Variants in COL15A1 observed in about 807,000 individuals in gnomAD.
COL15A1 encodes collagen type XV alpha 1 chain, also known as collagen alpha-1(XV) chain.
A neutral mutation model predicts 165.9 loss-of-function variants in COL15A1; 111 were observed. The ratio of observed to expected loss-of-function variants is 0.67; its 90% CI spans 0.57 to 0.78. COL15A1 has a LOEUF of 0.78. Among genes scored for constraint, COL15A1 ranks in the 30% least tolerant of loss-of-function variants. The pLI, the probability that COL15A1 is intolerant of heterozygous loss-of-function variation, is 0.00. For synonymous variants in COL15A1, 659 were observed against 674.8 expected (o/e 0.98, Z 0.36); for missense variants, 1,745 against 1,789.7 (o/e 0.98, Z 0.45).
chr9:99,066,599 G>GTTTTTTTTTTTGTTTTTTTTTTTTTTTTT (rs1825895496), intron 39 of COL15A1, among the ~76,000 whole-genome samples: 1 of 71,082 alleles, frequency 1.4e-5, no homozygotes, highest in Admixed American at 1.6e-4. Context: ...ATTTTGTTCT[G>GTTTTTTTTTTTGTTTTTTTTTTTTTTTTT]TTTTTTTTTT....
intron 6 of COL15A1, among the ~76,000 whole-genome samples, chr9:98,998,651 C>A (rs563898414): frequency 2.6e-5 from 4 of 152,116 alleles, no homozygotes; most frequent in Admixed American, 2.6e-4. Context: ...TTCTGAATTG[C>A]GAATGCTTTT....
Position 98,985,564 on chromosome 9 carries a change from G to A in COL15A1, c.101-1G>A. The A allele has an allele frequency of 6.2e-7, 1 of 1,610,580 alleles. No individual in the cohort carries two copies. The highest frequency in any genetic ancestry group is 8.5e-7 in the Non-Finnish European group (1 of 1,177,328). ...CGTGGCCTCTCTCTCCCTCCCTGCA[G>A]AGACTGCTTCCCAGGGTCACCTGGA... On this transcript the variant is annotated splice_acceptor_variant, in intron 2 of 41. Coordinates refer to ENST00000375001, the MANE Select transcript of COL15A1 (RefSeq NM_001855.5). LOFTEE classifies it high-confidence loss of function.
At chr9:99,043,137 CCT>C (rs1459283108) in intron 24 of COL15A1, among the ~76,000 whole-genome samples, 1 of 151,864 alleles carries the variant, frequency 6.6e-6, no homozygotes, top group Non-Finnish European at 1.5e-5. Context: ...TGGGGGAACT[CCT>C]CTCGTTCTTC....
At chr9:99,040,409 C>G (rs1234456747) in intron 22 of COL15A1, 112 bp from the exon 23 acceptor site, 1 of 1,558,950 alleles carries the variant, frequency 6.4e-7, no homozygotes, top group Non-Finnish European at 8.8e-7. Flanking sequence ...ATCCGTCTTC[C>G]CAGCTGTGGG....
At chr9:98,971,367 G>A (rs995129138) in intron 2 of COL15A1, among the ~76,000 whole-genome samples, 1 of 152,146 alleles carries the variant, frequency 6.6e-6, no homozygotes, top group Non-Finnish European at 1.5e-5. Context: ...CCTGCCGGGT[G>A]GGGGTGATGA....
chr9:99,055,658 G>A (rs969714301), intron 34 of COL15A1, among the ~76,000 whole-genome samples: 1 of 152,240 alleles, frequency 6.6e-6, no homozygotes, highest in East Asian at 1.9e-4. Context: ...CACAAAGAAT[G>A]ATTAATGGTG....
rs1384306432 is a variant in COL15A1, at chr9:99,028,606, C to T, written c.2043+2640C>T. Among the ~76,000 whole-genome samples, 5 of 152,092 alleles carry T rather than the reference C, an allele frequency of 3.3e-5. No homozygotes were observed. The East Asian group carries it at 5.8e-4, about 18-fold the overall frequency. On this transcript the variant is annotated intron_variant, in intron 16 of 41. Transcript: ENST00000375001. ...CAGAGGTTGCAGTGAACCGAGATCG[C>T]GCCACTGCACTTCAGCCTGGGTGAC...
rs532071003 is a variant in COL15A1 at position 99,025,628 on chromosome 9, T to C, written c.1981-276T>C. Among the ~76,000 whole-genome samples the C allele has an allele frequency of 2.0e-5, 3 of 152,250 alleles. No homozygotes were observed. The South Asian group carries it at 6.2e-4, about 32-fold the overall frequency. On this transcript the variant is annotated intron_variant, in intron 15 of 41. Transcript: ENST00000375001. ...TAGGCCATCAGGGCTGGGCCTGGGG[T>C]AGGAGACCCTTGGAGACCATCTGGT...
intron 2 of COL15A1, among the ~76,000 whole-genome samples, chr9:98,966,833 C>T (rs1302203756): frequency 6.6e-6 from 1 of 152,146 alleles, no homozygotes; most frequent in African/African-American, 2.4e-5. Flanking sequence ...GAGAGCTAAG[C>T]TATTAAGTGC....
intron 2 of COL15A1, among the ~76,000 whole-genome samples, chr9:98,945,335 G>T (rs1837561586): frequency 6.6e-6 from 1 of 152,158 alleles, no homozygotes; most frequent in African/African-American, 2.4e-5. Context: ...TTAGAAAGTG[G>T]CCAGTCCAAA....
intron 16 of COL15A1, among the ~76,000 whole-genome samples, chr9:99,027,013 A>G (rs1182320814): frequency 6.6e-6 from 1 of 152,178 alleles, no homozygotes; most frequent in Non-Finnish European, 1.5e-5. Context: ...GCCTGCCTTC[A>G]TCCTCTTCAT....
intron 35 of COL15A1, 83 bp downstream of exon 35, chr9:99,056,487 C>A: frequency 6.7e-7 from 1 of 1,496,716 alleles, no homozygotes; most frequent in Admixed American, 2.3e-5. Context: ...CTTGTCACAG[C>A]TGCACTGCCT....
At chr9:98,994,245 T>C (rs1390595137) in intron 5 of COL15A1, among the ~76,000 whole-genome samples, 1 of 152,182 alleles carries the variant, frequency 6.6e-6, no homozygotes, top group Non-Finnish European at 1.5e-5. Flanking sequence ...TCCTAGAATC[T>C]GTATTGACAA....
intron 36 of COL15A1, among the ~76,000 whole-genome samples, chr9:99,060,221 T>C (rs1396291557): frequency 7.4e-6 from 1 of 134,544 alleles, no homozygotes; most frequent in Non-Finnish European, 1.5e-5. Flanking sequence ...CCAATCATAT[T>C]ACTTATATAT....
intron 16 of COL15A1, 49 bp downstream of exon 16, chr9:99,026,015 C>T: frequency 6.5e-7 from 1 of 1,545,654 alleles, no homozygotes; most frequent in Non-Finnish European, 8.8e-7. Flanking sequence ...ACCAGGCCCA[C>T]ACTACTCTCT....
intron 9 of COL15A1, among the ~76,000 whole-genome samples, chr9:99,010,202 T>C (rs556131812): frequency 6.6e-6 from 1 of 152,344 alleles, no homozygotes; most frequent in African/African-American, 2.4e-5. Context: ...GTGTCCTTCT[T>C]AGACCCAGGA....
At chr9:98,950,217 T>C (rs922514558) in intron 2 of COL15A1, among the ~76,000 whole-genome samples, 2 of 152,206 alleles carry the variant, frequency 1.3e-5, no homozygotes, top group Non-Finnish European at 2.9e-5. Context: ...GCAGAATTTC[T>C]GGTCATATGA....
intron 16 of COL15A1, among the ~76,000 whole-genome samples, chr9:99,030,827 A>G (rs1296743151): frequency 6.6e-6 from 1 of 152,228 alleles, no homozygotes; most frequent in Non-Finnish European, 1.5e-5. Context: ...AAAGATGCAC[A>G]AGATTGGCAC....
chr9:98,981,073 T>C (rs1838229885), intron 2 of COL15A1, among the ~76,000 whole-genome samples: 1 of 152,234 alleles, frequency 6.6e-6, no homozygotes, highest in Non-Finnish European at 1.5e-5. Flanking sequence ...GTATCATTTG[T>C]AATATTGATG....
Sources: gnomAD v4.1 joint callset for allele counts (sites outside exome capture counted in the v4.1 genomes callset) on GRCh38, gnomAD v4.1.1 for gene constraint, MANE v1.5 for transcripts, NCBI Gene and HGNC (gene_info 2026-07-23, HGNC 2026-07-21) for gene names.